Variants in ZNF254 observed in about 807,000 individuals in gnomAD.
ZNF254 encodes the protein CTD-2017D11.1.
In ZNF254, 10 loss-of-function variants were observed where a neutral mutation model predicts 12.4. That is an observed-to-expected ratio of 0.80 (90% confidence interval 0.50 to 1.36). ZNF254 has a LOEUF of 1.36. Ranked by LOEUF, ZNF254 falls within the 40% of genes most tolerant of loss-of-function variation. The pLI is 0.00. For missense variants in ZNF254, 996 were observed against 763.9 expected, an observed-to-expected ratio of 1.30 and a Z score of -3.58; for synonymous variants, 305 against 253.4, an observed-to-expected ratio of 1.20 and a Z score of -1.93.
At chr19:24,099,089 T>G (rs1430688323) in intron 1 of ZNF254, 5 of 144,452 alleles carry the variant, frequency 3.5e-5, no homozygotes, top group Non-Finnish European at 7.5e-5. Flanking sequence ...CTCTGCCTCC[T>G]GGGTTGAAGC....
chr19:24,077,459 T>C (rs1305674823), intron 2 of ZNF254, among the ~76,000 whole-genome samples: 1 of 152,204 alleles, frequency 6.6e-6, no homozygotes, highest in African/African-American at 2.4e-5. Flanking sequence ...CCCAGACTTA[T>C]CCACCACCAT....
chr19:24,088,964 CTTTTTTTTTTTT>C lies in ZNF254; in HGVS notation c.30+1645_30+1656del, dbSNP rs74175785. ...GAGCCATCTCGCCTGGCCAATTAAT[CTTTTTTTTTTTT>C]TTTTTTTTTTTTTTTTTGAGACAGA... On this transcript the variant is annotated intron_variant, in intron 1 of 3. Transcript: ENST00000357002. Among the ~76,000 whole-genome samples the C allele has an allele frequency of 2.9e-4, 29 of 99,286 alleles. 1 individual carries two copies. In the South Asian group the frequency reaches 3.5e-3, roughly 12 times the overall value. The allele number at this position is 99,286 out of a possible 152,430, so 65.1% of individuals were successfully genotyped here.
intron 3 of ZNF254, among the ~76,000 whole-genome samples, chr19:24,107,867 T>C (rs1018801344): frequency 1.3e-5 from 2 of 152,148 alleles, no homozygotes; most frequent in African/African-American, 4.8e-5. Flanking sequence ...GAAGAGGGGT[T>C]GTAGCTTGGC....
At chr19:24,076,176 C>T (rs1395389189) in intron 2 of ZNF254, among the ~76,000 whole-genome samples, 3 of 152,100 alleles carry the variant, frequency 2.0e-5, no homozygotes, top group South Asian at 2.1e-4. Context: ...TAAAGACAGG[C>T]ATAGGAAATT....
intron 1 of ZNF254, among the ~76,000 whole-genome samples, chr19:24,096,638 T>C (rs558266700): frequency 6.6e-6 from 1 of 152,296 alleles, no homozygotes; most frequent in South Asian, 2.1e-4. Flanking sequence ...TGTTATGTTA[T>C]TTTTAGATGA....
chr19:24,042,629 A>G (rs1970221132), intron 1 of ZNF254, among the ~76,000 whole-genome samples: 1 of 152,072 alleles, frequency 6.6e-6, no homozygotes, highest in African/African-American at 2.4e-5. Context: ...GAGCTGTAAC[A>G]CTCACTGCGA....
At chr19:24,095,215 C>G (rs944063101) in intron 1 of ZNF254, among the ~76,000 whole-genome samples, 1 of 152,128 alleles carries the variant, frequency 6.6e-6, no homozygotes, top group Non-Finnish European at 1.5e-5. Context: ...GTTGAACCAA[C>G]CTTACATTCC....
At chr19:24,089,518 T>A (rs182553580) in intron 1 of ZNF254, among the ~76,000 whole-genome samples, 172 of 152,238 alleles carry the variant, frequency 1.1e-3, no homozygotes, top group Admixed American at 1.9e-3. Flanking sequence ...TCGGTTTTCT[T>A]GGACCTGGGT....
intron 3 of ZNF254, among the ~76,000 whole-genome samples, chr19:24,124,863 TC>T (rs1362066468): frequency 2.6e-5 from 4 of 152,054 alleles, no homozygotes; most frequent in Admixed American, 6.6e-5. Context: ...AAGCTCCACT[TC>T]CTGGGTTCAA....
intron 1 of ZNF254, among the ~76,000 whole-genome samples, chr19:24,093,643 A>G (rs1972518837): frequency 6.6e-6 from 1 of 152,152 alleles, no homozygotes; most frequent in South Asian, 2.1e-4. Context: ...GCATTGGTCT[A>G]TGAGTTTGTT....
intron 2 of ZNF254, chr19:24,063,950 C>T (rs948204515): frequency 6.6e-6 from 1 of 152,080 alleles, no homozygotes; most frequent in Non-Finnish European, 1.5e-5. Flanking sequence ...AGGTAAATGC[C>T]CGTTTTACCT....
chr19:24,113,963 C>G, intron 3 of ZNF254, among the ~76,000 whole-genome samples: 1 of 152,056 alleles, frequency 6.6e-6, no homozygotes, highest in Non-Finnish European at 1.5e-5. Context: ...AGGAATCCAA[C>G]TTACAAGGGA....
At chr19:24,079,792 G>C (rs1238550707) in intron 2 of ZNF254, 1 of 152,164 alleles carries the variant, frequency 6.6e-6, no homozygotes, top group Non-Finnish European at 1.5e-5. Flanking sequence ...TCCAGATCAA[G>C]ATCTAGAGTG....
chr19:24,126,405 C>T lies in ZNF254; in HGVS notation c.405C>T (p.Asn135=). 1 of 1,605,882 alleles carries T rather than the reference C, an allele frequency of 6.2e-7. No individual in the cohort carries two copies. The highest frequency in any genetic ancestry group is 8.5e-7 in the Non-Finnish European group (1 of 1,177,774). The change falls in exon 4 of 4, where the codon AAC becomes AAT. Residue 135 remains asparagine, a synonymous_variant. Transcript: ENST00000357002. ...AAAGTGTGGATGAGTATAAGGTGAA[C>T]AAAGAAGGTTATAATGGACTTAACC... ...GCKSVDEYKV[N]KEGYNGLNQC...
At chr19:24,124,657 T>A (rs1974707001) in intron 3 of ZNF254, among the ~76,000 whole-genome samples, 1 of 152,176 alleles carries the variant, frequency 6.6e-6, no homozygotes. Context: ...TTTTCCACAA[T>A]TTTTGTCATG....
chr19:24,116,815 CT>C (rs1974110689), intron 3 of ZNF254, among the ~76,000 whole-genome samples: 1 of 152,064 alleles, frequency 6.6e-6, no homozygotes, highest in Non-Finnish European at 1.5e-5. Context: ...TTTTCCCCAT[CT>C]TTGTGGTTTT....
chr19:24,115,277 A>G (rs2041497084), intron 3 of ZNF254, among the ~76,000 whole-genome samples: 1 of 152,116 alleles, frequency 6.6e-6, no homozygotes, highest in African/African-American at 2.4e-5. Context: ...AACCAACCCA[A>G]ATGTCCAACA....
chr19:24,062,647 AAC>A (rs1332984077), intron 2 of ZNF254, among the ~76,000 whole-genome samples: 5 of 152,248 alleles, frequency 3.3e-5, no homozygotes, highest in South Asian at 4.1e-4. Flanking sequence ...CATCCACTTA[AAC>A]ACACTCTTCT....
chr19:24,053,060 A>G (rs1306187237), intron 2 of ZNF254, among the ~76,000 whole-genome samples: 4 of 152,348 alleles, frequency 2.6e-5, no homozygotes, highest in South Asian at 4.1e-4. Flanking sequence ...AAAGACTGTC[A>G]TCCTTCCACA....
Sources: allele counts gnomAD v4.1 joint callset (sites outside exome capture counted in the v4.1 genomes callset), GRCh38; gene constraint gnomAD v4.1.1; transcripts MANE v1.5; gene names NCBI Gene and HGNC (gene_info 2026-07-23, HGNC 2026-07-21).